Variants in CMBL observed in about 807,000 individuals in gnomAD.
CMBL encodes the protein carboxymethylenebutenolidase homolog, also known as carboxymethylenebutenolidase homolog (Pseudomonas).
A neutral mutation model predicts 28.7 loss-of-function variants in CMBL; 17 were observed. That is an observed-to-expected ratio of 0.59 (90% CI 0.41 to 0.89). The LOEUF (loss-of-function observed/expected upper bound fraction) is 0.89, where lower values mean the gene tolerates loss of function less well. CMBL is among the 40% of genes least tolerant of loss of function. CMBL has a pLI of 0.00. For missense variants in CMBL, 310 were observed against 298.5 expected (o/e 1.04, Z -0.28); for synonymous variants, 106 against 101.6 (o/e 1.04, Z -0.26).
chr5:10,296,338 T>G (rs1409582933), intron 1 of CMBL, among the ~76,000 whole-genome samples: 1 of 152,166 alleles, frequency 6.6e-6, no homozygotes. Context: ...TGGAGTGCAG[T>G]GGCACAATCT....
At chr5:10,304,012 A>G (rs1004340739) in intron 1 of CMBL, among the ~76,000 whole-genome samples, 1 of 152,138 alleles carries the variant, frequency 6.6e-6, no homozygotes, top group Non-Finnish European at 1.5e-5. Flanking sequence ...TTTTTTGAAC[A>G]TGGCTCCCAT....
intron 3 of CMBL, 26 bp downstream of exon 3, chr5:10,288,396 C>G (rs1380992115): frequency 4.5e-6 from 7 of 1,560,876 alleles, no homozygotes; most frequent in Non-Finnish European, 5.3e-6. Flanking sequence ...ACAACGTGCA[C>G]ATGGCCACGT....
intron 1 of CMBL, among the ~76,000 whole-genome samples, chr5:10,305,248 C>T (rs1295873783): frequency 1.4e-5 from 2 of 146,162 alleles, no homozygotes; most frequent in African/African-American, 5.5e-5. Flanking sequence ...AATGCCCACA[C>T]TGGCCACCAC....
chr5:10,298,284 A>G (rs1375856030), intron 1 of CMBL, among the ~76,000 whole-genome samples: 1 of 152,262 alleles, frequency 6.6e-6, no homozygotes, highest in East Asian at 1.9e-4. Context: ...TCAGAAGGAA[A>G]TACTGAATAC....
At chr5:10,286,538 T>C in intron 3 of CMBL, 42 bp from the exon 4 acceptor site, 2 of 1,586,246 alleles carry the variant, frequency 1.3e-6, no homozygotes. Flanking sequence ...AGGCTTATTT[T>C]GTGAACCCCT....
At chr5:10,302,077 C>A (rs1007239072) in intron 1 of CMBL, among the ~76,000 whole-genome samples, 9 of 152,176 alleles carry the variant, frequency 5.9e-5, no homozygotes, top group Non-Finnish European at 1.3e-4. Context: ...AGACCCTCCA[C>A]GTGGGCACAG....
intron 2 of CMBL, 86 bp downstream of exon 2, chr5:10,290,462 C>A: frequency 1.8e-6 from 2 of 1,106,906 alleles, no homozygotes; most frequent in Admixed American, 1.8e-5. Context: ...ATAGTCAGAC[C>A]GCTGTGGTTT....
chr5:10,295,085 ATT>A (rs538421564), intron 1 of CMBL, among the ~76,000 whole-genome samples: 3 of 143,416 alleles, frequency 2.1e-5, no homozygotes, highest in Admixed American at 1.4e-4. Flanking sequence ...CTACTTGCTG[ATT>A]TTTTTTTTTT....
At chr5:10,288,096 C>G (rs1022367327) in intron 3 of CMBL, among the ~76,000 whole-genome samples, 2 of 151,284 alleles carry the variant, frequency 1.3e-5, no homozygotes, top group African/African-American at 4.9e-5. Flanking sequence ...GGTGAAACCC[C>G]GTCTCTACTA....
chr5:10,290,348 A>G (rs13173113), intron 2 of CMBL, 200 bp downstream of exon 2: 365,372 of 580,708 alleles, frequency 0.63, 121,180 homozygotes, highest in Non-Finnish European at 0.71. Context: ...GAAACCCAGG[A>G]ATGGGGTTAG....
intron 1 of CMBL, among the ~76,000 whole-genome samples, chr5:10,303,011 T>C (rs960956993): frequency 1.3e-5 from 2 of 152,226 alleles, no homozygotes; most frequent in Non-Finnish European, 2.9e-5. Flanking sequence ...AGGGTAGCCA[T>C]CTATGAGACT....
chr5:10,288,044 T>G (rs1003339534), intron 3 of CMBL, among the ~76,000 whole-genome samples: 21 of 143,346 alleles, frequency 1.5e-4, no homozygotes. Flanking sequence ...AAATTTTAAT[T>G]ACAAAAAAAA....
chr5:10,299,483 T>G (rs1187596329), intron 1 of CMBL, among the ~76,000 whole-genome samples: 1 of 151,626 alleles, frequency 6.6e-6, no homozygotes, highest in African/African-American at 2.4e-5. Context: ...TCTAGCAAAG[T>G]TAAAGAAGCA....
At chr5:10,285,737 A>G (rs138402080) in intron 4 of CMBL, among the ~76,000 whole-genome samples, 2,853 of 134,448 alleles carry the variant, frequency 0.021, 88 homozygotes, top group African/African-American at 0.072. Flanking sequence ...TTGCTCTGTC[A>G]CCCAGGCTGG....
At chr5:10,282,003 T>C (rs138485980) in intron 5 of CMBL, among the ~76,000 whole-genome samples, 194 bp downstream of exon 5, 6,549 of 152,028 alleles carry the variant, frequency 0.043, 448 homozygotes, top group African/African-American at 0.15. Context: ...CTACTAAAAA[T>C]ACAAAAATTA....
At chr5:10,306,092 T>C (rs1278989420) in intron 1 of CMBL, among the ~76,000 whole-genome samples, 1 of 152,242 alleles carries the variant, frequency 6.6e-6, no homozygotes, top group African/African-American at 2.4e-5. Flanking sequence ...AAATTATCTT[T>C]TAACAATGTA....
chr5:10,280,962 C>A (rs1746488945), intron 5 of CMBL, among the ~76,000 whole-genome samples: 3 of 151,876 alleles, frequency 2.0e-5, no homozygotes, highest in Non-Finnish European at 4.4e-5. Flanking sequence ...TTAGTAGAGA[C>A]AGGGTTTCAC....
chr5:10,290,841 G>T, intron 1 of CMBL, 60 bp from the exon 2 acceptor site: 2 of 1,269,650 alleles, frequency 1.6e-6, no homozygotes, highest in East Asian at 2.3e-5. Flanking sequence ...GCTATAAATG[G>T]TAAGTAAACC....
In CMBL at chr5:10,294,368, C is replaced by T. The variant is rs181517065; in HGVS notation, c.-19-3587G>A. On this transcript the variant is annotated intron_variant, in intron 1 of 5. Coordinates refer to ENST00000296658, the MANE Select transcript of CMBL (RefSeq NM_138809.4). ...GGTGGGAGGATTGTTTGAGACCAGC[C>T]TGGACAACACAGCAAGACCCCATAT... Among the ~76,000 whole-genome samples, 17 of 152,070 alleles carry T rather than the reference C, an allele frequency of 1.1e-4. No individual in the cohort carries two copies. In the East Asian group the frequency reaches 3.1e-3, roughly 28 times the overall value.
Sources: gnomAD v4.1 joint callset for allele counts (sites outside exome capture counted in the v4.1 genomes callset) on GRCh38, gnomAD v4.1.1 for gene constraint, MANE v1.5 for transcripts, NCBI Gene and HGNC (gene_info 2026-07-23, HGNC 2026-07-21) for gene names.